Variants in PCDHGA12 observed in about 807,000 individuals in gnomAD.
The protein encoded by PCDHGA12 is protocadherin gamma subfamily A, 12.
In PCDHGA12, 43 loss-of-function variants were observed where a neutral mutation model predicts 61.1. The ratio of observed to expected loss-of-function variants is 0.70; its 90% confidence interval spans 0.55 to 0.91. PCDHGA12 has a LOEUF of 0.91. Among genes scored for constraint, PCDHGA12 ranks in the 40% least tolerant of loss-of-function variants. PCDHGA12 has a pLI of 0.00. For synonymous variants in PCDHGA12, 520 were observed against 542.9 expected, an observed-to-expected ratio of 0.96 and a Z score of 0.59; for missense variants, 1,236 against 1,227.7, an observed-to-expected ratio of 1.01 and a Z score of -0.10.
In PCDHGA12 at chr5:141,489,091, T is replaced by TCAG. The variant is rs2099682519; in HGVS notation, c.2425-5716_2425-5715insCAG. On this transcript the variant is annotated intron_variant, in intron 1 of 3. Transcript: ENST00000252085. This position sits in a 1 kb window ranked among gnomAD's most constrained non-coding sequence, Gnocchi z 4.5. ...CTGCCCACCCCCGCCACTCGGTGACTAAGAACTGCTGCAAGCAGGCAAACC... is the reference window on the plus strand; with the variant it reads ...CTGCCCACCCCCGCCACTCGGTGACTCAGAAGAACTGCTGCAAGCAGGCAAACC... The TCAG allele has an allele frequency of 3.0e-6, 1 of 333,056 alleles. No individual in the cohort carries two copies. Among genetic ancestry groups the TCAG allele is most frequent in the Non-Finnish European group, 5.5e-6 (1 of 181,380 alleles). 20.6% of individuals were successfully genotyped at this position (333,056 alleles called of 1,614,324 possible). A position where few individuals can be genotyped will look rare whatever the true frequency, so the allele number is the denominator to read the frequency against.
intron 3 of PCDHGA12, 154 bp from the exon 4 acceptor site, chr5:141,510,793 G>GAGA: frequency 1.1e-6 from 1 of 935,078 alleles, no homozygotes; most frequent in Non-Finnish European, 1.3e-6. Context: ...CTCTTGTGAA[G>GAGA]AGAGACTACC....
In PCDHGA12 at chr5:141,431,931, C is replaced by T. The variant is rs2097430107; in HGVS notation, c.1172C>T (p.Pro391Leu). ...QVICFIQGNL[P>L]FKLEKSYGNY... ...ATCTGTTTCATCCAAGGAAATCTGCCCTTTAAATTAGAAAAATCTTACGGA... is the reference window on the plus strand; with the variant it reads ...ATCTGTTTCATCCAAGGAAATCTGCTCTTTAAATTAGAAAAATCTTACGGA... The change falls in exon 1 of 4, where the codon CCC becomes CTC. Residue 391 changes from proline to leucine, a missense_variant. Pro to Leu is a moderately conservative substitution (Grantham distance 98, BLOSUM62 -3). Transcript: ENST00000252085. This position sits in a 1 kb window ranked among gnomAD's most constrained non-coding sequence, Gnocchi z 4.8. The T allele has an allele frequency of 6.2e-7, 1 of 1,613,924 alleles. No homozygotes were observed. Among genetic ancestry groups the T allele is most frequent in the Admixed American group, 1.7e-5 (1 of 59,986 alleles).
rs766168062 is a variant in PCDHGA12, at chr5:141,491,124, G to A, written c.2425-3683G>A. ...TCGTGTCTACACACACTGGTGAGGT[G>A]CGCACAGCCCGGGCCTTACTGGAGG... On this transcript the variant is annotated intron_variant, in intron 1 of 3. Transcript: ENST00000252085. The surrounding 1 kb of genome is among the most constrained non-coding windows in gnomAD (Gnocchi z 6.9). 22 of 1,614,092 alleles carry A rather than the reference G, an allele frequency of 1.4e-5. No individual in the cohort carries two copies. The highest frequency in any genetic ancestry group is 3.3e-5 in the Admixed American group (2 of 60,004).
intron 2 of PCDHGA12, among the ~76,000 whole-genome samples, chr5:141,503,994 A>C (rs1330628079): frequency 6.6e-6 from 1 of 152,158 alleles, no homozygotes; most frequent in Non-Finnish European, 1.5e-5. Context: ...CTTACCTTAC[A>C]GTCACTTAAC....
chr5:141,477,775 G>T lies in PCDHGA12; in HGVS notation c.2425-17032G>T. 2 of 1,614,046 alleles carry T rather than the reference G, an allele frequency of 1.2e-6. No individual in the cohort carries two copies. The highest frequency in any genetic ancestry group is 2.7e-5 in the African/African-American group (2 of 75,052). On this transcript the variant is annotated intron_variant, in intron 1 of 3. Transcript: ENST00000252085. The surrounding 1 kb of genome is among the most constrained non-coding windows in gnomAD (Gnocchi z 4.9). ...CGGTCCTAGCCACCAACATCAGCGT[G>T]AACATATTTGTCACTGATCGCAATG...
intron 1 of PCDHGA12, among the ~76,000 whole-genome samples, chr5:141,435,134 A>G (rs1190517186): frequency 6.6e-6 from 1 of 152,190 alleles, no homozygotes; most frequent in Non-Finnish European, 1.5e-5. Context: ...GAAAATATAA[A>G]TAAAATTGTG....
At position 141,491,067 on chromosome 5, in the gene PCDHGA12, G is replaced by T. The variant is rs752758445; in HGVS notation, c.2425-3740G>T. On this transcript the variant is annotated intron_variant, in intron 1 of 3. Transcript: ENST00000252085. The surrounding 1 kb of genome is among the most constrained non-coding windows in gnomAD (Gnocchi z 6.9). Reference sequence around the variant, plus strand: ...ACAATGCGTGGCTCTCCTACTCACTGTTGCCACAGTCCACAGCCCCAGGAC... The same window carrying T: ...ACAATGCGTGGCTCTCCTACTCACTTTTGCCACAGTCCACAGCCCCAGGAC... 1.2e-6 allele frequency: 2 copies of T among 1,614,200 alleles called. No homozygotes were observed. The highest frequency in any genetic ancestry group is 1.7e-6 in the Non-Finnish European group (2 of 1,180,040).
rs2099401367 is a variant in PCDHGA12 at position 141,476,906 on chromosome 5, G to C, written c.2425-17901G>C. ...GGATGCACCCTCCGGCACGCGCGTG[G>C]TACAAGTCCTTGCAACGGATCTGGA... is the stretch of plus-strand genomic sequence containing the variant. On this transcript the variant is annotated intron_variant, in intron 1 of 3. Coordinates refer to ENST00000252085, the MANE Select transcript of PCDHGA12 (RefSeq NM_003735.3). The surrounding 1 kb of genome is among the most constrained non-coding windows in gnomAD (Gnocchi z 7.6). 2 of 1,614,050 alleles carry C rather than the reference G, an allele frequency of 1.2e-6. No homozygotes were observed. The highest frequency in any genetic ancestry group is 1.7e-6 in the Non-Finnish European group (2 of 1,180,044).
chr5:141,503,713 C>T (rs867005984), intron 2 of PCDHGA12, among the ~76,000 whole-genome samples: 6 of 152,134 alleles, frequency 3.9e-5, no homozygotes, highest in Non-Finnish European at 8.8e-5. Context: ...TCCCCTTCAA[C>T]CCTAGCTTTA....
chr5:141,456,984 C>G (rs374156327), intron 1 of PCDHGA12, among the ~76,000 whole-genome samples: 1 of 152,200 alleles, frequency 6.6e-6, no homozygotes, highest in East Asian at 1.9e-4. Flanking sequence ...AACAAACAAA[C>G]AAACAAAAAC....
At position 141,487,667 on chromosome 5, in the gene PCDHGA12, ATATGGCTAGGCCATG is replaced by A; in HGVS notation, c.2425-7138_2425-7124del. 1.9e-6 allele frequency: 3 copies of A among 1,612,782 alleles called. No individual in the cohort carries two copies. In the South Asian group the frequency reaches 3.3e-5, roughly 18 times the overall value. ...GCTTGAGGGTTATTCTGATCCAGGC[ATATGGCTAGGCCATG>A]TCCTAGAGAGTACTGGCCTCTCAGT... On this transcript the variant is annotated intron_variant, in intron 1 of 3. Transcript: ENST00000252085. The surrounding 1 kb of genome is among the most constrained non-coding windows in gnomAD (Gnocchi z 5.0).
At chr5:141,438,605 T>TAC (rs2098010130) in intron 1 of PCDHGA12, among the ~76,000 whole-genome samples, 1 of 27,802 alleles carries the variant, frequency 3.6e-5, no homozygotes. Flanking sequence ...TATATATATA[T>TAC]ATATATATAT....
chr5:141,477,747 C>A lies in PCDHGA12; in HGVS notation c.2425-17060C>A. ...ACAGCTCATATCAGCGATGGGGGCA[C>A]CCCGGTCCTAGCCACCAACATCAGC... On this transcript the variant is annotated intron_variant, in intron 1 of 3. Coordinates refer to ENST00000252085, the MANE Select transcript of PCDHGA12 (RefSeq NM_003735.3). The surrounding 1 kb of genome is among the most constrained non-coding windows in gnomAD (Gnocchi z 4.9). 1.9e-6 allele frequency: 3 copies of A among 1,613,840 alleles called. No individual in the cohort carries two copies. The highest frequency in any genetic ancestry group is 2.5e-6 in the Non-Finnish European group (3 of 1,180,044).
Position 141,485,274 on chromosome 5 carries a change from C to A in PCDHGA12, c.2425-9533C>A. 1 of 1,614,106 alleles carries A rather than the reference C, an allele frequency of 6.2e-7. No homozygotes were observed. The highest frequency in any genetic ancestry group is 1.3e-5 in the African/African-American group (1 of 75,036). ...TACGTTTGTGGGCAGATCCGCTACC[C>A]GGTCCCAGAGGAGTCACAGGAAGGG... On this transcript the variant is annotated intron_variant, in intron 1 of 3. Transcript: ENST00000252085. The surrounding 1 kb of genome is among the most constrained non-coding windows in gnomAD (Gnocchi z 5.7).
At chr5:141,459,303 T>C (rs1419156629) in intron 1 of PCDHGA12, among the ~76,000 whole-genome samples, 1 of 152,242 alleles carries the variant, frequency 6.6e-6, no homozygotes, top group Non-Finnish European at 1.5e-5. Context: ...CTATAACATA[T>C]ACTATTTTGT....
At chr5:141,488,738 ATGCAGGAAGT>A (rs771423337) in intron 1 of PCDHGA12, among the ~76,000 whole-genome samples, 1 of 152,222 alleles carries the variant, frequency 6.6e-6, no homozygotes, top group Non-Finnish European at 1.5e-5. Flanking sequence ...TTCTGAAGTC[ATGCAGGAAGT>A]TGCTGGGACA....
rs2099695710 is a variant in PCDHGA12, at chr5:141,490,068, A to G, written c.2425-4739A>G. On this transcript the variant is annotated intron_variant, in intron 1 of 3. Coordinates refer to ENST00000252085, the MANE Select transcript of PCDHGA12 (RefSeq NM_003735.3). This position sits in a 1 kb window ranked among gnomAD's most constrained non-coding sequence, Gnocchi z 5.4. ...ATCCAGACGAGGGCACCAACGGCCA[A>G]CTAGACTATTCTTTTGGAGACCACA... is the stretch of plus-strand genomic sequence containing the variant. 2 of 1,614,152 alleles carry G rather than the reference A, an allele frequency of 1.2e-6. No homozygotes were observed. The highest frequency in any genetic ancestry group is 1.6e-4 in the Middle Eastern group (1 of 6,084).
At chr5:141,492,163 C>T (rs921256341) in intron 1 of PCDHGA12, among the ~76,000 whole-genome samples, 22 of 152,232 alleles carry the variant, frequency 1.4e-4, no homozygotes, top group African/African-American at 5.3e-4. Context: ...CCTCCCTATC[C>T]CCGCATCACC....
chr5:141,466,358 A>T (rs1210013683), intron 1 of PCDHGA12, among the ~76,000 whole-genome samples: 3 of 152,066 alleles, frequency 2.0e-5, no homozygotes, highest in Non-Finnish European at 4.4e-5. Context: ...GCTAATCTAG[A>T]TGTAATGGTT....
Sources: allele counts gnomAD v4.1 joint callset (sites outside exome capture counted in the v4.1 genomes callset), GRCh38; gene constraint gnomAD v4.1.1; non-coding constraint Gnocchi (gnomAD v3.1); transcripts MANE v1.5; gene names NCBI Gene and HGNC (gene_info 2026-07-23, HGNC 2026-07-21).